ADRA1D: variants seen among roughly 807,000 people sequenced by gnomAD.
ADRA1D encodes alpha-1D adrenergic receptor.
Under a neutral mutation model 18.6 loss-of-function variants are expected in ADRA1D, and 22 were observed. The ratio of observed to expected loss-of-function variants is 1.19; its 90% CI spans 0.85 to 1.69. ADRA1D has a LOEUF of 1.69. Among genes scored for constraint, ADRA1D ranks in the 40% most tolerant of loss-of-function variants. The pLI is 0.00. For synonymous variants in ADRA1D, 376 were observed against 388.2 expected (o/e 0.97, Z 0.37); for missense variants, 840 against 840.7 (o/e 1.00, Z 0.01).
At position 4,249,036 on chromosome 20, in the gene ADRA1D, C is replaced by A. The variant is rs137985166; in HGVS notation, c.-79G>T. 7.4e-4 allele frequency: 809 copies of A among 1,087,850 alleles called. 20 individuals carry two copies. In the East Asian group the frequency reaches 0.042, roughly 57 times the overall value. 67.4% of individuals were successfully genotyped at this position (1,087,850 alleles called of 1,614,324 possible). ...GGGAGGGGAGCACAGGGCATAGCCG[C>A]GGGGCTCCAGATGCAGCTCCGCGCA... is the stretch of plus-strand genomic sequence containing the variant. On this transcript the variant is annotated 5_prime_UTR_variant, in exon 1 of 2. Transcript: ENST00000379453.
intron 1 of ADRA1D, among the ~76,000 whole-genome samples, chr20:4,237,448 C>A (rs1680426026): frequency 1.5e-5 from 2 of 137,150 alleles, no homozygotes; most frequent in Admixed American, 8.0e-5. Context: ...CTCTGAGAGA[C>A]TCCATCTCTT....
intron 1 of ADRA1D, among the ~76,000 whole-genome samples, chr20:4,235,009 T>C (rs972859867): frequency 1.3e-5 from 2 of 152,146 alleles, no homozygotes; most frequent in Non-Finnish European, 2.9e-5. Context: ...GACCTGGATA[T>C]GGTCCAGATC....
At position 4,248,312 on chromosome 20, in the gene ADRA1D, T is replaced by C. The variant is rs1981396486; in HGVS notation, c.646A>G (p.Ile216Val). 1.2e-6 allele frequency: 2 copies of C among 1,606,822 alleles called. No homozygotes were observed. Among genetic ancestry groups the C allele is most frequent in the South Asian group, 2.2e-5 (2 of 89,824 alleles). Reference protein sequence around the residue: ...AIMTERKAAAILALLWVVALV... With the variant: ...AIMTERKAAAVLALLWVVALV... ...GCTACGACCCAGAGCAGGGCCAGGATGGCGGCCGCCTTGCGCTCGGTCATG... is the reference window on the plus strand; with the variant it reads ...GCTACGACCCAGAGCAGGGCCAGGACGGCGGCCGCCTTGCGCTCGGTCATG... Residue 216 changes from isoleucine (I) to valine (V), a missense_variant, in exon 1 of 2, where the codon ATC becomes GTC. Ile to Val is a conservative substitution (Grantham distance 29, BLOSUM62 3). Transcript: ENST00000379453.
At chr20:4,241,526 A>G (rs935299503) in intron 1 of ADRA1D, among the ~76,000 whole-genome samples, 22 of 152,166 alleles carry the variant, frequency 1.4e-4, no homozygotes, top group African/African-American at 5.3e-4. Flanking sequence ...GGAATAGAAC[A>G]TGGGTTCTAC....
intron 1 of ADRA1D, among the ~76,000 whole-genome samples, chr20:4,240,545 G>A (rs1450267872): frequency 6.6e-6 from 1 of 151,980 alleles, no homozygotes; most frequent in Non-Finnish European, 1.5e-5. Flanking sequence ...TGTAATCCCA[G>A]CACTTTGGGA....
rs760506161 is a variant in ADRA1D, at chr20:4,248,567, T to A, written c.391A>T (p.Thr131Ser). The change falls in exon 1 of 2, where the codon ACC becomes TCC. Residue 131 changes from threonine (T) to serine (S), a missense_variant. Coordinates refer to ENST00000379453, the MANE Select transcript of ADRA1D (RefSeq NM_000678.4). ...VACNRHLQTV[T>S]NYFIVNLAVA... ...GCCAGGTTCACGATGAAATAGTTGG[T>A]GACGGTCTGCAGGTGGCGGTTGCAG... is the stretch of plus-strand genomic sequence containing the variant. The A allele has an allele frequency of 6.2e-7, 1 of 1,613,842 alleles. No individual in the cohort carries two copies. Among genetic ancestry groups the A allele is most frequent in the South Asian group, 1.1e-5 (1 of 91,044 alleles).
Position 4,222,037 on chromosome 20 carries a change from T to A in ADRA1D, c.1205A>T (p.Tyr402Phe). Residue 402 changes from tyrosine (Y) to phenylalanine (F), a missense_variant, in exon 2 of 2, where the codon TAC (tyrosine) becomes TTC (phenylalanine). By Grantham distance (22) the Tyr-to-Phe change is conservative (BLOSUM62 3). Transcript: ENST00000379453. The surrounding 1 kb of genome is among the most constrained non-coding windows in gnomAD (Gnocchi z 4.3). ...YFNSCVNPLI[Y>F]PCSSREFKRA... ...CTTGAACTCGCGGCTGGAACAGGGG[T>A]AGATGAGCGGGTTCACGCAGCTGTT... The A allele has an allele frequency of 6.2e-7, 1 of 1,605,424 alleles. No individual in the cohort carries two copies. Among genetic ancestry groups the A allele is most frequent in the Admixed American group, 1.7e-5 (1 of 58,862 alleles).
Position 4,221,672 on chromosome 20 carries a change from C to A in ADRA1D, c.1570G>T (p.Gly524Trp), listed in dbSNP as rs1226939479. ...VSSLSHKIRA[G>W]GAQRAEAACA... ...GCTGCCTCTGCGCGCTGCGCGCCCC[C>A]GGCGCGGATCTTGTGCGACAGGCTG... The change falls in exon 2 of 2, where the codon GGG (glycine) becomes TGG (tryptophan). Residue 524 changes from glycine to tryptophan, a missense_variant. Gly to Trp is a radical substitution (Grantham distance 184, BLOSUM62 -2). Transcript: ENST00000379453. 3 of 1,612,570 alleles carry A rather than the reference C, an allele frequency of 1.9e-6. No individual in the cohort carries two copies. Among genetic ancestry groups the A allele is most frequent in the Non-Finnish European group, 1.7e-6 (2 of 1,179,600 alleles).
intron 1 of ADRA1D, among the ~76,000 whole-genome samples, chr20:4,230,182 C>G (rs1247687837): frequency 2.0e-5 from 3 of 152,172 alleles, no homozygotes; most frequent in Admixed American, 1.3e-4. Context: ...TCAGCTTGCT[C>G]TGTTATGCCT....
rs1189995522 is a variant in ADRA1D at position 4,221,541 on chromosome 20, T to C, written c.1701A>G (p.Leu567=). 1 of 1,610,792 alleles carries C rather than the reference T, an allele frequency of 6.2e-7. No individual in the cohort carries two copies. The highest frequency in any genetic ancestry group is 1.7e-5 in the Admixed American group (1 of 59,886). Residue 567 remains leucine (L), a synonymous_variant, in exon 2 of 2, where the codon CTA becomes CTG. Coordinates refer to ENST00000379453, the MANE Select transcript of ADRA1D (RefSeq NM_000678.4). ...GGGGTCCTTAAATATCGGTCTCCCGTAGGTTGCTGTAGTCGGCCAATTCGT... is the reference window on the plus strand; with the variant it reads ...GGGGTCCTTAAATATCGGTCTCCCGCAGGTTGCTGTAGTCGGCCAATTCGT... The part of the protein sequence containing the change: ...QAYELADYSN[L]RETDI
At chr20:4,236,624 GC>G (rs1600849867) in intron 1 of ADRA1D, among the ~76,000 whole-genome samples, 1 of 152,178 alleles carries the variant, frequency 6.6e-6, no homozygotes, top group African/African-American at 2.4e-5. Context: ...ATGGAATAAT[GC>G]CCCCAAGATG....
chr20:4,237,466 A>AC (rs1420907755), intron 1 of ADRA1D, among the ~76,000 whole-genome samples: 2 of 151,110 alleles, frequency 1.3e-5, no homozygotes, highest in Non-Finnish European at 3.0e-5. Flanking sequence ...CTTGAAAAAA[A>AC]AAAAAAAAGA....
intron 1 of ADRA1D, among the ~76,000 whole-genome samples, chr20:4,225,409 A>G (rs1234705872): frequency 7.2e-6 from 1 of 138,534 alleles, no homozygotes; most frequent in Non-Finnish European, 1.5e-5. Context: ...ATTGGTAGCT[A>G]TTACTTTTTT....
chr20:4,231,249 C>G (rs1045597977), intron 1 of ADRA1D, among the ~76,000 whole-genome samples: 1 of 132,900 alleles, frequency 7.5e-6, no homozygotes, highest in East Asian at 2.4e-4. Context: ...AGGCATGTGC[C>G]ACTACACCTG....
At chr20:4,244,295 T>A (rs1981283056) in intron 1 of ADRA1D, among the ~76,000 whole-genome samples, 1 of 152,198 alleles carries the variant, frequency 6.6e-6, no homozygotes, top group South Asian at 2.1e-4. Context: ...TCTCAATCTC[T>A]CCGTCTCTGG....
rs1450818537 is a variant in ADRA1D at position 4,248,198 on chromosome 20, A to T, written c.760T>A (p.Tyr254Asn). ...RFCGITEEAG[Y>N]AVFSSVCSFY... ...GAGCACACGGAGGAGAAGACAGCGT[A>T]GCCCGCCTCCTCGGTGATACCGCAG... Residue 254 changes from tyrosine (Y) to asparagine (N), a missense_variant, in exon 1 of 2, where the codon TAC becomes AAC. Tyr to Asn is a moderately radical substitution (Grantham distance 143). Transcript: ENST00000379453. 6.3e-7 allele frequency: 1 copy of T among 1,590,204 alleles called. No homozygotes were observed. The highest frequency in any genetic ancestry group is 8.6e-7 in the Non-Finnish European group (1 of 1,168,488).
chr20:4,248,559 A>G lies in ADRA1D; in HGVS notation c.399T>C (p.Tyr133=). The part of the protein sequence containing the change: ...CNRHLQTVTN[Y]FIVNLAVADL... The stretch of plus-strand genomic sequence containing the variant: ...CGGCCACGGCCAGGTTCACGATGAA[A>G]TAGTTGGTGACGGTCTGCAGGTGGC... Residue 133 remains tyrosine (Y), a synonymous_variant, in exon 1 of 2, where the codon TAT becomes TAC. Coordinates refer to ENST00000379453, the MANE Select transcript of ADRA1D (RefSeq NM_000678.4). 1 of 1,613,884 alleles carries G rather than the reference A, an allele frequency of 6.2e-7. No homozygotes were observed. The highest frequency in any genetic ancestry group is 2.2e-5 in the East Asian group (1 of 44,860).
At chr20:4,238,022 C>A in intron 1 of ADRA1D, among the ~76,000 whole-genome samples, 1 of 149,648 alleles carries the variant, frequency 6.7e-6, no homozygotes, top group African/African-American at 2.5e-5. Flanking sequence ...CCGAGGCGGG[C>A]GGATCACTTG....
chr20:4,237,976 A>G (rs1411167294), intron 1 of ADRA1D, among the ~76,000 whole-genome samples: 2 of 148,332 alleles, frequency 1.3e-5, no homozygotes, highest in Non-Finnish European at 3.0e-5. Context: ...GGCTGGGTGC[A>G]GTGGCTCAAA....
Sources: gnomAD v4.1 joint callset for allele counts (sites outside exome capture counted in the v4.1 genomes callset) on GRCh38, gnomAD v4.1.1 for gene constraint, Gnocchi (gnomAD v3.1) non-coding constraint, MANE v1.5 for transcripts, NCBI Gene and HGNC (gene_info 2026-07-23, HGNC 2026-07-21) for gene names.